R3HDM1: variants seen among roughly 807,000 people sequenced by gnomAD.
The protein encoded by R3HDM1 is R3H domain-containing protein 1.
Under a neutral mutation model 141.1 loss-of-function variants are expected in R3HDM1, and 46 were observed. That is an observed-to-expected ratio of 0.33 (90% CI 0.26 to 0.42). R3HDM1 has a LOEUF of 0.42. Among genes scored for constraint, R3HDM1 ranks in the 10% least tolerant of loss-of-function variants. The pLI is 1.00. For synonymous variants in R3HDM1, 435 were observed against 472.9 expected, an observed-to-expected ratio of 0.92 and a Z score of 1.04; for missense variants, 1,184 against 1,368.3, an observed-to-expected ratio of 0.87 and a Z score of 2.12.
At chr2:135,659,288 G>T (rs958906874) in intron 18 of R3HDM1, among the ~76,000 whole-genome samples, 9 of 151,888 alleles carry the variant, frequency 5.9e-5, no homozygotes, top group African/African-American at 2.2e-4. Flanking sequence ...GTAGAGATAG[G>T]GTTTCACCAT....
intron 21 of R3HDM1, among the ~76,000 whole-genome samples, chr2:135,704,421 T>A (rs969388855): frequency 5.9e-5 from 9 of 152,298 alleles, no homozygotes; most frequent in African/African-American, 2.2e-4. Context: ...AGCTAAACTT[T>A]TCAGTTTTCA....
At position 135,652,024 on chromosome 2, in the gene R3HDM1, T is replaced by A. The variant is rs1435722944; in HGVS notation, c.2020T>A (p.Ser674Thr). ...GCAGCAGGGATATATTCAGCAGCCA[T>A]CACCACAGGTATATTGCTTTTTAAC... ...LQQQGYIQQP[S>T]PQMPACYCAP... Residue 674 changes from serine (S) to threonine (T), a missense_variant, in exon 18 of 27, where the codon TCA becomes ACA. Transcript: ENST00000683871. 6.3e-7 allele frequency: 1 copy of A among 1,589,980 alleles called. No individual in the cohort carries two copies. Among genetic ancestry groups the A allele is most frequent in the Admixed American group, 1.7e-5 (1 of 58,870 alleles).
intron 21 of R3HDM1, among the ~76,000 whole-genome samples, chr2:135,696,922 G>A (rs2073330702): frequency 6.6e-6 from 1 of 152,200 alleles, no homozygotes; most frequent in Non-Finnish European, 1.5e-5. Context: ...TTTAATGGAG[G>A]AATAAAGGTA....
Position 135,680,256 on chromosome 2 carries a change from A to G in R3HDM1, c.2391A>G (p.Gly797=), listed in dbSNP as rs766727792. 3 of 1,613,988 alleles carry G rather than the reference A, an allele frequency of 1.9e-6. No individual in the cohort carries two copies. The highest frequency in any genetic ancestry group is 2.5e-6 in the Non-Finnish European group (3 of 1,179,878). ...TGTTCCCTAATCAGTCTAATCAAGG[A>G]TCTATGCCCACAACAGGAATGCCTG... ...PVMFPNQSNQ[G]SMPTTGMPVY... is the part of the protein sequence containing the mutation. The change falls in exon 21 of 27, where the codon GGA becomes GGG. Residue 797 remains glycine (G), a synonymous_variant. Coordinates refer to ENST00000683871, the MANE Select transcript of R3HDM1 (RefSeq NM_001378107.1).
At chr2:135,689,447 A>T (rs2071957517) in intron 21 of R3HDM1, among the ~76,000 whole-genome samples, 1 of 152,194 alleles carries the variant, frequency 6.6e-6, no homozygotes, top group Admixed American at 6.5e-5. Flanking sequence ...TTAGATGCTA[A>T]ATGGACTCTA....
chr2:135,707,817 T>G (rs1258195030), intron 21 of R3HDM1, among the ~76,000 whole-genome samples: 2 of 152,208 alleles, frequency 1.3e-5, no homozygotes, highest in African/African-American at 2.4e-5. Context: ...ATAATTAACA[T>G]AAATTTCAGA....
chr2:135,536,770 C>T (rs1696217154), intron 1 of R3HDM1: 1 of 949,540 alleles, frequency 1.1e-6, no homozygotes, highest in African/African-American at 1.8e-5. Context: ...AGCTGGGCCA[C>T]ACAGCAGGAG....
chr2:135,628,927 G>C (rs2062338044), intron 7 of R3HDM1, among the ~76,000 whole-genome samples: 1 of 152,020 alleles, frequency 6.6e-6, no homozygotes, highest in East Asian at 1.9e-4. Flanking sequence ...CGCCCAGCTA[G>C]TTGCCTGCTT....
intron 1 of R3HDM1, chr2:135,584,374 A>T (rs1186856546): frequency 2.1e-6 from 2 of 937,524 alleles, no homozygotes; most frequent in African/African-American, 1.8e-5. Context: ...TTGAGGATTT[A>T]TTTGAAAGTT....
chr2:135,717,936 G>A (rs1390451884), intron 24 of R3HDM1, among the ~76,000 whole-genome samples: 1 of 152,148 alleles, frequency 6.6e-6, no homozygotes, highest in East Asian at 1.9e-4. Flanking sequence ...TGACCAACAT[G>A]TCCATCAACA....
intron 1 of R3HDM1, among the ~76,000 whole-genome samples, chr2:135,553,488 A>C (rs755656955): frequency 6.6e-6 from 1 of 152,198 alleles, no homozygotes; most frequent in Non-Finnish European, 1.5e-5. Flanking sequence ...GATGTGTAGC[A>C]GTTGCAGAAA....
intron 18 of R3HDM1, 140 bp from the exon 19 acceptor site, chr2:135,661,130 C>T: frequency 3.8e-6 from 4 of 1,058,778 alleles, no homozygotes; most frequent in Non-Finnish European, 3.9e-6. Flanking sequence ...TTTTAAATTT[C>T]AGTTAAATTT....
intron 1 of R3HDM1, chr2:135,550,304 T>C (rs931768192): frequency 1.0e-5 from 9 of 890,714 alleles, no homozygotes; most frequent in Non-Finnish European, 1.2e-5. Context: ...GAAATTTCTT[T>C]ATGCCTTTTC....
chr2:135,574,051 AAAAC>A (rs1360402396), intron 1 of R3HDM1, among the ~76,000 whole-genome samples: 1 of 152,168 alleles, frequency 6.6e-6, no homozygotes, highest in Non-Finnish European at 1.5e-5. Flanking sequence ...AGGGAATAGA[AAAAC>A]AAGACCTAAC....
intron 21 of R3HDM1, among the ~76,000 whole-genome samples, chr2:135,680,807 C>T (rs766526395): frequency 3.9e-5 from 6 of 152,176 alleles, no homozygotes; most frequent in Non-Finnish European, 7.3e-5. Flanking sequence ...TCAGTAAAAT[C>T]AGTACAAGGA....
intron 19 of R3HDM1, among the ~76,000 whole-genome samples, chr2:135,668,199 G>T (rs907347438): frequency 6.6e-6 from 1 of 152,036 alleles, no homozygotes; most frequent in Non-Finnish European, 1.5e-5. Flanking sequence ...TGTGATTATA[G>T]TAATTTTAAC....
intron 19 of R3HDM1, 29 bp downstream of exon 19, chr2:135,661,422 C>T (rs1220458288): frequency 6.2e-7 from 1 of 1,608,070 alleles, no homozygotes; most frequent in Non-Finnish European, 8.5e-7. Context: ...GTCATAACTT[C>T]TGAGCCACAC....
chr2:135,697,581 C>G (rs1575090282), intron 21 of R3HDM1, among the ~76,000 whole-genome samples: 1 of 152,240 alleles, frequency 6.6e-6, no homozygotes, highest in East Asian at 1.9e-4. Context: ...AAGAAAATTA[C>G]TAAAGTACAA....
Position 135,636,082 on chromosome 2 carries a change from C to T in R3HDM1, c.808-6C>T. 7 of 1,612,250 alleles carry T rather than the reference C, an allele frequency of 4.3e-6. No homozygotes were observed. The highest frequency in any genetic ancestry group is 5.9e-6 in the Non-Finnish European group (7 of 1,179,210). ...ATTTGCCTAAAAATTATCCTCTTTT[C>T]TGTAGATGAGAATACGTTTGAAAGA... On this transcript the variant is annotated splice_region_variant and splice_polypyrimidine_tract_variant and intron_variant, in intron 10 of 26. Coordinates refer to ENST00000683871, the MANE Select transcript of R3HDM1 (RefSeq NM_001378107.1).
Sources: allele counts gnomAD v4.1 joint callset (sites outside exome capture counted in the v4.1 genomes callset), GRCh38; gene constraint gnomAD v4.1.1; transcripts MANE v1.5; gene names NCBI Gene and HGNC (gene_info 2026-07-23, HGNC 2026-07-21).